Variants in TRPV4 observed in about 807,000 individuals in gnomAD.
TRPV4 encodes transient receptor potential cation channel subfamily V member 4, also known as OSM9-like transient receptor potential channel 4.
In TRPV4, 58 loss-of-function variants were observed where a neutral mutation model predicts 84.1. The ratio of observed to expected loss-of-function variants is 0.69; its 90% CI spans 0.56 to 0.86. TRPV4 has a LOEUF of 0.86. Ranked by LOEUF, TRPV4 falls within the 40% of genes least tolerant of loss-of-function variation. TRPV4 has a pLI of 0.00. For synonymous variants in TRPV4, 489 were observed against 500.9 expected (o/e 0.98, Z 0.32); for missense variants, 879 against 1,181.1 (o/e 0.74, Z 3.75).
At chr12:109,808,918 A>G (rs1382728931) in intron 2 of TRPV4, among the ~76,000 whole-genome samples, 5 of 147,468 alleles carry the variant, frequency 3.4e-5, no homozygotes, top group Non-Finnish European at 7.5e-5. Flanking sequence ...CCATCCACCC[A>G]CTCCTCCATC....
At chr12:109,823,517 T>C (rs185700796) in intron 1 of TRPV4, among the ~76,000 whole-genome samples, 1 of 152,196 alleles carries the variant, frequency 6.6e-6, no homozygotes, top group African/African-American at 2.4e-5. Flanking sequence ...CAAGAAGCGG[T>C]GTGGCTTAAT....
At position 109,783,816 on chromosome 12, in the gene TRPV4, G is replaced by A. The variant is rs1370846675; in HGVS notation, c.2459-38C>T. On this transcript the variant is annotated intron_variant, in intron 15 of 15. Transcript: ENST00000261740. This position sits in a 1 kb window ranked among gnomAD's most constrained non-coding sequence, Gnocchi z 4.6. ...CACATCAGAGGGAGGGGTGGGGGTT[G>A]GTGGAGAGAGAGCGTGCGTATATTG... is the stretch of plus-strand genomic sequence containing the variant. 1 of 1,603,010 alleles carries A rather than the reference G, an allele frequency of 6.2e-7. No individual in the cohort carries two copies.
chr12:109,823,713 G>A (rs1892173905), intron 1 of TRPV4, among the ~76,000 whole-genome samples: 1 of 152,050 alleles, frequency 6.6e-6, no homozygotes, highest in Non-Finnish European at 1.5e-5. Context: ...AAAATGTTCT[G>A]GAATGAGATA....
rs765021989 is a variant in TRPV4 at position 109,814,638 on chromosome 12, A to T, written c.159T>A (p.Asp53Glu). The change falls in exon 2 of 16, where the codon GAT becomes GAA. Residue 53 changes from aspartate to glutamate, a missense_variant. Around this residue, in one of 4 missense-constraint regions of TRPV4, gnomAD observed 107 missense variants for 99.4 expected, o/e 1.08. Coordinates refer to ENST00000261740, the MANE Select transcript of TRPV4 (RefSeq NM_021625.5). The surrounding 1 kb of genome is among the most constrained non-coding windows in gnomAD (Gnocchi z 5.4). The stretch of plus-strand genomic sequence containing the variant: ...CGCCTGGGCCAGCAGGGCGACTGGC[A>T]TCAGCCGGTGAGGGCGAAAGGGAGC... Reference protein sequence around the residue: ...EDGSLSPSPADASRPAGPGDG... With the variant: ...EDGSLSPSPAEASRPAGPGDG... The T allele has an allele frequency of 2.5e-6, 4 of 1,613,776 alleles. No homozygotes were observed. Among genetic ancestry groups the T allele is most frequent in the Non-Finnish European group, 3.4e-6 (4 of 1,179,996 alleles).
chr12:109,813,000 G>A (rs1378539729), intron 2 of TRPV4, among the ~76,000 whole-genome samples: 1 of 151,826 alleles, frequency 6.6e-6, no homozygotes, highest in African/African-American at 2.4e-5. Flanking sequence ...TGGATGGATG[G>A]ATGAACAGAT....
chr12:109,790,985 C>G (rs1477812658), intron 12 of TRPV4, among the ~76,000 whole-genome samples: 1 of 152,218 alleles, frequency 6.6e-6, no homozygotes, highest in Non-Finnish European at 1.5e-5. Context: ...ACCAGTCAGC[C>G]AGCAGCCAGC....
chr12:109,783,600 G>T lies in TRPV4; in HGVS notation c.*21C>A. The stretch of plus-strand genomic sequence containing the variant: ...GGACTAGAAATGAGTGGGCAGAGAA[G>T]CTGGGGCTGGGCTGCAGTCCCTAGA... On this transcript the variant is annotated 3_prime_UTR_variant, in exon 16 of 16. Transcript: ENST00000261740. The surrounding 1 kb of genome is among the most constrained non-coding windows in gnomAD (Gnocchi z 4.6). 6.2e-7 allele frequency: 1 copy of T among 1,608,798 alleles called. No homozygotes were observed. Among genetic ancestry groups the T allele is most frequent in the Non-Finnish European group, 8.5e-7 (1 of 1,176,676 alleles).
At position 109,793,914 on chromosome 12, in the gene TRPV4, G is replaced by T; in HGVS notation, c.1584+16C>A. ...GAGGGCAGGCAGGGTGGGGGGCACG[G>T]GGGCCAGGCACTTACGTTGGTGAAG... is the stretch of plus-strand genomic sequence containing the variant. On this transcript the variant is annotated intron_variant, in intron 9 of 15. Transcript: ENST00000261740. The surrounding 1 kb of genome is among the most constrained non-coding windows in gnomAD (Gnocchi z 4.0). 6.3e-7 allele frequency: 1 copy of T among 1,596,576 alleles called. No homozygotes were observed.
intron 1 of TRPV4, among the ~76,000 whole-genome samples, chr12:109,823,536 G>T (rs751632605): frequency 1.3e-4 from 20 of 152,214 alleles, no homozygotes; most frequent in Non-Finnish European, 2.4e-4. Flanking sequence ...ATGGTTAAGA[G>T]CATGCACCTT....
intron 6 of TRPV4, among the ~76,000 whole-genome samples, chr12:109,797,705 T>A (rs12579859): frequency 0.13 from 19,241 of 152,170 alleles, 1,551 homozygotes; most frequent in African/African-American, 0.22. Context: ...CATTTTTTTT[T>A]ATTTTGGTTT....
In TRPV4 at chr12:109,808,167, A is replaced by G. The variant is rs1646282298; in HGVS notation, c.559+129T>C. ...ACACACAGGACCAGACTCCCTGTCC[A>G]GTGCACTTTCCAGGCCAATGCAGTC... is the stretch of plus-strand genomic sequence containing the variant. On this transcript the variant is annotated intron_variant, in intron 3 of 15. Coordinates refer to ENST00000261740, the MANE Select transcript of TRPV4 (RefSeq NM_021625.5). 4 of 1,020,836 alleles carry G rather than the reference A, an allele frequency of 3.9e-6. No individual in the cohort carries two copies. The Admixed American group carries it at 7.9e-5, about 20-fold the overall frequency. The allele number at this position is 1,020,836 out of a possible 1,614,324, so 63.2% of individuals were successfully genotyped here.
chr12:109,792,400 C>A lies in TRPV4; in HGVS notation c.1854G>T (p.Leu618=). The A allele has an allele frequency of 6.2e-7, 1 of 1,613,928 alleles. No individual in the cohort carries two copies. Among genetic ancestry groups the A allele is most frequent in the Non-Finnish European group, 8.5e-7 (1 of 1,180,018 alleles). ...CGATCATGAAGAGCAAGTAGACGAG[C>A]AGGAATCGGAAAAGGTCCTTGAAGA... ...KILFKDLFRF[L]LVYLLFMIGY... Residue 618 remains leucine (L), a synonymous_variant, in exon 12 of 16, where the codon CTG becomes CTT. Transcript: ENST00000261740.
At position 109,796,738 on chromosome 12, in the gene TRPV4, C is replaced by T. The variant is rs1463738935; in HGVS notation, c.1153-34G>A. On this transcript the variant is annotated intron_variant, in intron 6 of 15. Coordinates refer to ENST00000261740, the MANE Select transcript of TRPV4 (RefSeq NM_021625.5). This position sits in a 1 kb window ranked among gnomAD's most constrained non-coding sequence, Gnocchi z 4.2. ...GGGGCCAGGAGGGTCAGGGGGCTCA[C>T]ACTGGAAAGACCCCCAGGGCTGGGC... 1.3e-6 allele frequency: 2 copies of T among 1,588,500 alleles called. No homozygotes were observed. Among genetic ancestry groups the T allele is most frequent in the Admixed American group, 1.7e-5 (1 of 59,000 alleles).
Position 109,793,607 on chromosome 12 carries a change from G to C in TRPV4, c.1585-7C>G, listed in dbSNP as rs1890178171. The C allele has an allele frequency of 5.0e-6, 8 of 1,613,518 alleles. No homozygotes were observed. Among genetic ancestry groups the C allele is most frequent in the Non-Finnish European group, 6.8e-6 (8 of 1,179,518 alleles). On this transcript the variant is annotated splice_region_variant and splice_polypyrimidine_tract_variant and intron_variant, in intron 9 of 15. Transcript: ENST00000261740. The surrounding 1 kb of genome is among the most constrained non-coding windows in gnomAD (Gnocchi z 4.0). ...TCATGAACAAGTCTTTGATCTGGAAGACAGGAGGGGGCACGTGAAAGGGGT... is the reference window on the plus strand; with the variant it reads ...TCATGAACAAGTCTTTGATCTGGAACACAGGAGGGGGCACGTGAAAGGGGT...
intron 6 of TRPV4, among the ~76,000 whole-genome samples, chr12:109,797,661 C>A (rs1459877272): frequency 6.6e-6 from 1 of 152,160 alleles, no homozygotes; most frequent in African/African-American, 2.4e-5. Context: ...GCCTCAGGGC[C>A]ATGGTATAAT....
intron 3 of TRPV4, among the ~76,000 whole-genome samples, chr12:109,806,145 T>A (rs73409825): frequency 0.075 from 11,333 of 152,074 alleles, 487 homozygotes; most frequent in Middle Eastern, 0.11. Flanking sequence ...CGAGGCCACG[T>A]CGCGTGGCCA....
rs1592816957 is a variant in TRPV4, at chr12:109,786,629, G to T, written c.2336+81C>A. On this transcript the variant is annotated intron_variant, in intron 14 of 15. Transcript: ENST00000261740. The surrounding 1 kb of genome is among the most constrained non-coding windows in gnomAD (Gnocchi z 4.5). ...GTGGCTCCAGAAATTGCAATGGGTA[G>T]ACGACGCTGGAGCAGCAGGGGCCCC... 1 of 1,575,592 alleles carries T rather than the reference G, an allele frequency of 6.3e-7. No individual in the cohort carries two copies. Among genetic ancestry groups the T allele is most frequent in the South Asian group, 1.1e-5 (1 of 87,760 alleles).
In TRPV4 at chr12:109,786,563, C is replaced by T; in HGVS notation, c.2336+147G>A. 2 of 1,039,874 alleles carry T rather than the reference C, an allele frequency of 1.9e-6. No individual in the cohort carries two copies. Among genetic ancestry groups the T allele is most frequent in the South Asian group, 1.5e-5 (1 of 68,374 alleles). 64.4% of individuals were successfully genotyped at this position (1,039,874 alleles called of 1,614,324 possible). On this transcript the variant is annotated intron_variant, in intron 14 of 15. Transcript: ENST00000261740. The surrounding 1 kb of genome is among the most constrained non-coding windows in gnomAD (Gnocchi z 4.5). ...AGGTGGGCTGACTTGCCTGAGATCG[C>T]CTGGTGGAAATGAACTCTGCTCGGG...
chr12:109,798,725 G>A lies in TRPV4; in HGVS notation c.1041C>T (p.Asp347=). ...GGCGGGCACACTTGAGCAGCAGCAG[G>A]TCGTACATCTTGGTAACAAACTTGG... ...ENTKFVTKMY[D]LLLLKCARLF... Residue 347 remains aspartate (D), a synonymous_variant, in exon 6 of 16, where the codon GAC becomes GAT. Transcript: ENST00000261740. The surrounding 1 kb of genome is among the most constrained non-coding windows in gnomAD (Gnocchi z 5.0). The A allele has an allele frequency of 6.2e-7, 1 of 1,614,122 alleles. No homozygotes were observed. Among genetic ancestry groups the A allele is most frequent in the East Asian group, 2.2e-5 (1 of 44,882 alleles).
Sources: allele counts gnomAD v4.1 joint callset (sites outside exome capture counted in the v4.1 genomes callset), GRCh38; gene constraint gnomAD v4.1.1; regional missense constraint gnomAD v4.1.1; non-coding constraint Gnocchi (gnomAD v3.1); transcripts MANE v1.5; gene names NCBI Gene and HGNC (gene_info 2026-07-23, HGNC 2026-07-21).